ADAM12: variants seen among roughly 807,000 people sequenced by gnomAD.
ADAM12 encodes the protein disintegrin and metalloproteinase domain-containing protein 12.
In ADAM12, 70 loss-of-function variants were observed where a neutral mutation model predicts 106.4. The observed-to-expected ratio is 0.66, with a 90% CI of 0.54 to 0.80. The LOEUF is 0.80. Ranked by LOEUF, ADAM12 falls within the 30% of genes least tolerant of loss-of-function variation. ADAM12 has a pLI of 0.00. For missense variants in ADAM12, 1,010 were observed against 1,171.9 expected, an observed-to-expected ratio of 0.86 and a Z score of 2.02; for synonymous variants, 420 against 433.5, an observed-to-expected ratio of 0.97 and a Z score of 0.39.
At chr10:126,302,707 T>G (rs978675390) in intron 2 of ADAM12, among the ~76,000 whole-genome samples, 1 of 152,218 alleles carries the variant, frequency 6.6e-6, no homozygotes, top group African/African-American at 2.4e-5. Context: ...GGTGAGGATG[T>G]TTCATTATGC....
chr10:126,033,293 T>TAATGGATACATA (rs1296307945), intron 21 of ADAM12, among the ~76,000 whole-genome samples: 2 of 152,184 alleles, frequency 1.3e-5, no homozygotes, highest in Non-Finnish European at 2.9e-5. Context: ...TACCATTGGC[T>TAATGGATACATA]AATGGATACA....
At chr10:126,259,438 CAA>C (rs142247161) in intron 3 of ADAM12, among the ~76,000 whole-genome samples, 1,617 of 152,232 alleles carry the variant, frequency 0.011, 27 homozygotes, top group African/African-American at 0.036. Context: ...AATATTTTTG[CAA>C]AGTTTGTTTA....
intron 3 of ADAM12, among the ~76,000 whole-genome samples, chr10:126,221,551 C>CT (rs1272870627): frequency 2.0e-5 from 3 of 152,226 alleles, no homozygotes; most frequent in Middle Eastern, 3.4e-3. Context: ...CGAGCTTCTA[C>CT]TTTTTTTATA....
At position 126,190,988 on chromosome 10, in the gene ADAM12, TCC is replaced by T. The variant is rs758391135; in HGVS notation, c.261-35685_261-35684del. Among the ~76,000 whole-genome samples the T allele has an allele frequency of 6.7e-4, 51 of 76,486 alleles. 9 individuals carry two copies. Among genetic ancestry groups the T allele is most frequent in the South Asian group, 1.6e-3 (3 of 1,850 alleles). 50.2% of individuals were successfully genotyped at this position (76,486 alleles called of 152,430 possible). ...GTTTGAGTTGCCATGAGGAGTTTTGTCCTTTTTTTTTTTTTTTTTTTTTTTTT... is the reference window on the plus strand; with the variant it reads ...GTTTGAGTTGCCATGAGGAGTTTTGTTTTTTTTTTTTTTTTTTTTTTTTTT... On this transcript the variant is annotated intron_variant, in intron 3 of 22. Coordinates refer to ENST00000448723, the MANE Select transcript of ADAM12 (RefSeq NM_001288973.2).
intron 3 of ADAM12, among the ~76,000 whole-genome samples, chr10:126,264,850 T>G (rs986826529): frequency 2.0e-5 from 3 of 152,222 alleles, no homozygotes; most frequent in African/African-American, 4.8e-5. Context: ...AACCAGTTCC[T>G]GCTTCCCTGT....
intron 18 of ADAM12, among the ~76,000 whole-genome samples, chr10:126,040,655 G>A (rs1459591355): frequency 1.3e-5 from 2 of 152,202 alleles, no homozygotes; most frequent in Non-Finnish European, 1.5e-5. Context: ...ACCCTTAGTA[G>A]TGATCACAGG....
intron 3 of ADAM12, among the ~76,000 whole-genome samples, chr10:126,256,924 ATGATGATG>A (rs1958904062): frequency 2.4e-5 from 2 of 83,798 alleles, no homozygotes; most frequent in Admixed American, 1.4e-4. Context: ...AATAATAATG[ATGATGATG>A]ATGATGATGA....
chr10:126,027,626 A>T (rs1953898863), intron 21 of ADAM12, among the ~76,000 whole-genome samples: 1 of 152,260 alleles, frequency 6.6e-6, no homozygotes, highest in African/African-American at 2.4e-5. Context: ...CCATATGATT[A>T]TCTCAATAGA....
At chr10:126,215,461 GCCCC>G (rs897106578) in intron 3 of ADAM12, among the ~76,000 whole-genome samples, 1 of 152,008 alleles carries the variant, frequency 6.6e-6, no homozygotes, top group Non-Finnish European at 1.5e-5. Context: ...TCAGCTCAGG[GCCCC>G]CCCGAAATCA....
rs1958737437 is a variant in ADAM12 at position 126,251,144 on chromosome 10, C to T, written c.260+27771G>A. ...CATGACCAGATGACACAAGGACAGTCCTTGGCAGACCCTGCTGAGCGTGTC... is the reference window on the plus strand; with the variant it reads ...CATGACCAGATGACACAAGGACAGTTCTTGGCAGACCCTGCTGAGCGTGTC... On this transcript the variant is annotated intron_variant, in intron 3 of 22. Transcript: ENST00000448723. Among the ~76,000 whole-genome samples, 4 of 152,210 alleles carry T rather than the reference C, an allele frequency of 2.6e-5. No homozygotes were observed. The South Asian group carries it at 8.3e-4, about 32-fold the overall frequency.
chr10:126,067,777 G>T (rs1162101112), intron 12 of ADAM12, among the ~76,000 whole-genome samples: 1 of 152,180 alleles, frequency 6.6e-6, no homozygotes, highest in Non-Finnish European at 1.5e-5. Flanking sequence ...TCCAGTATAT[G>T]ATATGCTTTG....
intron 5 of ADAM12, among the ~76,000 whole-genome samples, chr10:126,131,193 G>C (rs935488256): frequency 6.7e-6 from 1 of 149,278 alleles, no homozygotes; most frequent in Non-Finnish European, 1.5e-5. Context: ...CTGCCTCGGG[G>C]ACCCTGGGTG....
intron 2 of ADAM12, among the ~76,000 whole-genome samples, chr10:126,314,494 G>A (rs1427192855): frequency 2.6e-5 from 4 of 152,100 alleles, no homozygotes; most frequent in Non-Finnish European, 5.9e-5. Flanking sequence ...CTTTGAATTT[G>A]GGACAAATTT....
intron 4 of ADAM12, among the ~76,000 whole-genome samples, chr10:126,138,025 G>T (rs906570319): frequency 6.6e-6 from 1 of 152,120 alleles, no homozygotes; most frequent in African/African-American, 2.4e-5. Flanking sequence ...AGCATTACAC[G>T]AGGGCTCTAA....
At chr10:126,225,803 T>A (rs1274353453) in intron 3 of ADAM12, among the ~76,000 whole-genome samples, 1 of 152,174 alleles carries the variant, frequency 6.6e-6, no homozygotes, top group Non-Finnish European at 1.5e-5. Context: ...TCTCTGACCT[T>A]CCTGGAACTG....
intron 1 of ADAM12, among the ~76,000 whole-genome samples, chr10:126,361,646 A>G (rs1164836894): frequency 6.6e-6 from 1 of 152,222 alleles, no homozygotes; most frequent in Non-Finnish European, 1.5e-5. Context: ...ATATACGGTC[A>G]ATTGATTTTT....
intron 3 of ADAM12, among the ~76,000 whole-genome samples, chr10:126,229,394 G>A (rs796266483): frequency 1.1e-4 from 17 of 152,312 alleles, no homozygotes; most frequent in African/African-American, 3.8e-4. Context: ...AATTATGTTT[G>A]ATGCATTTGA....
chr10:126,117,994 A>AG (rs1474454219), intron 6 of ADAM12, 44 bp downstream of exon 6: 1 of 1,596,954 alleles, frequency 6.3e-7, no homozygotes, highest in Non-Finnish European at 8.6e-7. Flanking sequence ...CCGTAGCTTG[A>AG]GCTCCTAGCT....
intron 3 of ADAM12, among the ~76,000 whole-genome samples, chr10:126,211,299 A>C (rs1481853650): frequency 6.6e-6 from 1 of 152,202 alleles, no homozygotes; most frequent in Non-Finnish European, 1.5e-5. Flanking sequence ...TTCTTTTGCC[A>C]AATGGAGCTA....
Sources: gnomAD v4.1 joint callset for allele counts (sites outside exome capture counted in the v4.1 genomes callset) on GRCh38, gnomAD v4.1.1 for gene constraint, MANE v1.5 for transcripts, NCBI Gene and HGNC (gene_info 2026-07-23, HGNC 2026-07-21) for gene names.